The following TMEM219 variants were observed in gnomAD, a reference collection of about 807,000 sequenced individuals.
TMEM219 encodes insulin-like growth factor-binding protein 3 receptor.
In TMEM219, 18 loss-of-function variants were observed where a neutral mutation model predicts 17.9. The ratio of observed to expected loss-of-function variants is 1.01; its 90% CI spans 0.70 to 1.49. The LOEUF is 1.49. Among genes scored for constraint, TMEM219 ranks in the 40% most tolerant of loss-of-function variants. TMEM219 has a pLI of 0.00. For synonymous variants in TMEM219, 113 were observed against 124.0 expected (o/e 0.91, Z 0.59); for missense variants, 288 against 292.4 (o/e 0.99, Z 0.11).
intron 1 of TMEM219, 134 bp from the exon 2 acceptor site, chr16:29,962,973 C>A: frequency 2.7e-6 from 2 of 740,696 alleles, no homozygotes; most frequent in Non-Finnish European, 4.5e-6. Context: ...CTTTTGGAGT[C>A]GGGAACCTTG....
chr16:29,969,287 C>G (rs1303107081), intron 4 of TMEM219, among the ~76,000 whole-genome samples: 1 of 149,484 alleles, frequency 6.7e-6, no homozygotes, highest in Non-Finnish European at 1.5e-5. Context: ...AGCTCCACCT[C>G]ACAGGTTCAT....
intron 4 of TMEM219, among the ~76,000 whole-genome samples, chr16:29,969,516 A>T (rs1046621679): frequency 7.5e-5 from 11 of 147,302 alleles, no homozygotes; most frequent in Non-Finnish European, 1.7e-4. Context: ...TAAAAAAAAC[A>T]TTTTTTTTTT....
At chr16:29,967,438 G>C (rs940220370) in intron 3 of TMEM219, among the ~76,000 whole-genome samples, 4 of 152,028 alleles carry the variant, frequency 2.6e-5, no homozygotes, top group African/African-American at 7.2e-5. Context: ...GTGATACCCT[G>C]TCTCTACAAA....
In TMEM219 at chr16:29,962,148, T is replaced by C. The variant is rs922949884; in HGVS notation, c.-38+16T>C. On this transcript the variant is annotated intron_variant, in intron 1 of 5. Coordinates refer to ENST00000279396, the MANE Select transcript of TMEM219 (RefSeq NM_001083613.2). ...GCCCCGAGGGGTAAGAGCGAGCGGC[T>C]GGCGGATCCGACGCGCGAGACCGGG... 1.3e-5 allele frequency: 2 copies of C among 151,600 alleles called. No homozygotes were observed. The highest frequency in any genetic ancestry group is 1.3e-4 in the Admixed American group (2 of 15,254). The allele number at this position is 151,600 out of a possible 1,614,324, so 9.4% of individuals were successfully genotyped here. A position where few individuals can be genotyped will look rare whatever the true frequency, so the allele number is the denominator to read the frequency against.
Position 29,968,060 on chromosome 16 carries a change from A to C in TMEM219, c.391A>C (p.Arg131=), listed in dbSNP as rs780713477. 19 of 1,614,046 alleles carry C rather than the reference A, an allele frequency of 1.2e-5. No homozygotes were observed. The Admixed American group carries it at 3.2e-4, about 27-fold the overall frequency. ...SAGQLVLITA[R]VTTERTAGTC... is the part of the protein sequence containing the mutation. ...AGGACAACTGGTCCTTATCACAGCCAGGGTGACCACAGAAAGGACTGCAGG... is the reference window on the plus strand; with the variant it reads ...AGGACAACTGGTCCTTATCACAGCCCGGGTGACCACAGAAAGGACTGCAGG... The change falls in exon 4 of 6, where the codon AGG becomes CGG. Residue 131 remains arginine, a synonymous_variant. Transcript: ENST00000279396.
At chr16:29,966,168 G>A (rs1362495782) in intron 3 of TMEM219, among the ~76,000 whole-genome samples, 6 of 152,190 alleles carry the variant, frequency 3.9e-5, no homozygotes, top group Middle Eastern at 3.4e-3. Context: ...CGGGTCTGGC[G>A]TATTACCCAA....
intron 3 of TMEM219, among the ~76,000 whole-genome samples, chr16:29,965,592 G>A (rs577921950): frequency 2.0e-5 from 3 of 150,504 alleles, no homozygotes; most frequent in Admixed American, 6.6e-5. Flanking sequence ...AAAGCCAGGC[G>A]TGGTGGTGCA....
chr16:29,962,410 C>T (rs2069157731), intron 1 of TMEM219, among the ~76,000 whole-genome samples: 1 of 152,102 alleles, frequency 6.6e-6, no homozygotes, highest in African/African-American at 2.4e-5. Context: ...TCCATCAGGC[C>T]GTCGCACCTT....
At chr16:29,966,724 G>A (rs2069217201) in intron 3 of TMEM219, among the ~76,000 whole-genome samples, 1 of 152,258 alleles carries the variant, frequency 6.6e-6, no homozygotes, top group African/African-American at 2.4e-5. Context: ...GCTGAGGCAG[G>A]AGAATTGCTT....
chr16:29,969,883 G>A (rs1026062900), intron 4 of TMEM219, among the ~76,000 whole-genome samples: 7 of 152,128 alleles, frequency 4.6e-5, no homozygotes, highest in African/African-American at 1.7e-4. Flanking sequence ...CTGGTGCTGG[G>A]TGGAGAATGG....
chr16:29,972,336 T>A (rs1028162797), intron 5 of TMEM219, among the ~76,000 whole-genome samples: 1 of 152,244 alleles, frequency 6.6e-6, no homozygotes, highest in Non-Finnish European at 1.5e-5. Context: ...GACATGCACC[T>A]TCTGTCTTCC....
chr16:29,966,636 G>A (rs920596744), intron 3 of TMEM219, among the ~76,000 whole-genome samples: 1 of 151,956 alleles, frequency 6.6e-6, no homozygotes, highest in Non-Finnish European at 1.5e-5. Context: ...CCAACATGAT[G>A]AAACCCCGTC....
At chr16:29,968,315 A>G in intron 4 of TMEM219, 61 bp downstream of exon 4, 1 of 1,387,316 alleles carries the variant, frequency 7.2e-7, no homozygotes, top group Non-Finnish European at 1.0e-6. Flanking sequence ...CTGTATCTTG[A>G]AGGTCCCTGG....
chr16:29,968,098 T>A lies in TMEM219; in HGVS notation c.429T>A (p.Tyr143Ter). The change falls in exon 4 of 6, where the codon TAT becomes TAA. Residue 143 changes from tyrosine (Y) to a stop codon, truncating the protein, a stop_gained. Coordinates refer to ENST00000279396, the MANE Select transcript of TMEM219 (RefSeq NM_001083613.2). LOFTEE classifies it high-confidence loss of function. ...AAAGGACTGCAGGAACCTGCCTATA[T>A]TTTAGTGCTGTTCCAGGAATCCTAC... ...TTERTAGTCL[Y>*]FSAVPGILPS... 6.2e-7 allele frequency: 1 copy of A among 1,614,136 alleles called. No homozygotes were observed. The highest frequency in any genetic ancestry group is 8.5e-7 in the Non-Finnish European group (1 of 1,180,024).
chr16:29,971,553 G>C lies in TMEM219; in HGVS notation c.*8G>C. The C allele has an allele frequency of 1.2e-6, 2 of 1,612,452 alleles. No homozygotes were observed. Among genetic ancestry groups the C allele is most frequent in the Non-Finnish European group, 1.7e-6 (2 of 1,179,752 alleles). ...TCTAGAACCCGGCTCTGAGGGCACTGGCCTAGTTCCCGACTTGTTTCTCAG... is the reference window on the plus strand; with the variant it reads ...TCTAGAACCCGGCTCTGAGGGCACTCGCCTAGTTCCCGACTTGTTTCTCAG... On this transcript the variant is annotated 3_prime_UTR_variant, in exon 5 of 6. Transcript: ENST00000279396.
intron 3 of TMEM219, among the ~76,000 whole-genome samples, chr16:29,965,564 C>CAAAAAAAAA (rs35045736): frequency 4.1e-4 from 34 of 82,722 alleles, no homozygotes; most frequent in African/African-American, 4.8e-4. Context: ...ACTAAAAATA[C>CAAAAAAAAA]AAAAAAAAAA....
At chr16:29,971,640 C>A in intron 5 of TMEM219, 62 bp downstream of exon 5, 1 of 1,021,646 alleles carries the variant, frequency 9.8e-7, no homozygotes, top group Admixed American at 2.0e-5. Context: ...GGGTTGTAAC[C>A]GGGGTAGAGC....
intron 3 of TMEM219, among the ~76,000 whole-genome samples, chr16:29,967,030 T>G (rs1037278177): frequency 3.7e-4 from 56 of 152,270 alleles, no homozygotes; most frequent in African/African-American, 1.3e-3. Context: ...GTGAGAACCT[T>G]TTAATGGATT....
chr16:29,964,052 C>T (rs949765998), intron 3 of TMEM219, among the ~76,000 whole-genome samples: 5 of 151,702 alleles, frequency 3.3e-5, no homozygotes, highest in South Asian at 2.1e-4. Flanking sequence ...GGTCTGGTTG[C>T]GGTGGCCCAC....
Sources: gnomAD v4.1 joint callset for allele counts (sites outside exome capture counted in the v4.1 genomes callset) on GRCh38, gnomAD v4.1.1 for gene constraint, MANE v1.5 for transcripts, NCBI Gene and HGNC (gene_info 2026-07-23, HGNC 2026-07-21) for gene names.